Variants in GAREM1 observed in about 807,000 individuals in gnomAD.
GAREM1 encodes GRB2 associated regulator of MAPK1 subtype 1, also known as GRB2-associated and regulator of MAPK protein 1.
A neutral mutation model predicts 71.3 loss-of-function variants in GAREM1; 26 were observed. The observed-to-expected ratio is 0.36, with a 90% confidence interval of 0.27 to 0.51. GAREM1 has a LOEUF of 0.51. Ranked by LOEUF, GAREM1 falls within the 20% of genes least tolerant of loss-of-function variation. The pLI is 0.95. For synonymous variants in GAREM1, 440 were observed against 433.2 expected, an observed-to-expected ratio of 1.02 and a Z score of -0.20; for missense variants, 1,026 against 1,103.1, an observed-to-expected ratio of 0.93 and a Z score of 0.99.
At chr18:32,408,547 A>C (rs535340190) in intron 1 of GAREM1, among the ~76,000 whole-genome samples, 1 of 152,324 alleles carries the variant, frequency 6.6e-6, no homozygotes, top group East Asian at 1.9e-4. Context: ...TGTCAGCATT[A>C]ATACCTGACT....
intron 1 of GAREM1, among the ~76,000 whole-genome samples, chr18:32,398,653 T>C (rs1444429158): frequency 6.6e-6 from 1 of 152,156 alleles, no homozygotes; most frequent in African/African-American, 2.4e-5. Context: ...AATAACAGGC[T>C]CTGAAATTGA....
intron 2 of GAREM1, among the ~76,000 whole-genome samples, chr18:32,364,020 ATATATATGTT>A (rs2047900638): frequency 2.0e-5 from 1 of 49,544 alleles, no homozygotes; most frequent in African/African-American, 1.5e-4. Context: ...ATATATATAT[ATATATATGTT>A]TTTTTTTTTT....
chr18:32,286,871 G>A (rs1327834150), intron 4 of GAREM1, among the ~76,000 whole-genome samples, 160 bp downstream of exon 4: 2 of 152,186 alleles, frequency 1.3e-5, no homozygotes, highest in African/African-American at 4.8e-5. Flanking sequence ...ATTCCTAAAT[G>A]GTCAAAATAA....
intron 2 of GAREM1, among the ~76,000 whole-genome samples, chr18:32,348,651 G>C (rs779910357): frequency 3.3e-5 from 5 of 152,228 alleles, no homozygotes; most frequent in Non-Finnish European, 5.9e-5. Flanking sequence ...TTGAACCTGG[G>C]AGGCAGACGT....
chr18:32,458,183 C>T (rs1399233225), intron 1 of GAREM1, among the ~76,000 whole-genome samples: 1 of 151,978 alleles, frequency 6.6e-6, no homozygotes, highest in Non-Finnish European at 1.5e-5. Context: ...ACAAACGTGT[C>T]CATTTACTTA....
rs913247263 is a variant in GAREM1, at chr18:32,374,265, G to A, written c.262+18630C>T. ...GCAGCTAGCCAGCTTTCTACATTGC[G>A]TTCAGTCATTACATCTCACTCCACT... On this transcript the variant is annotated intron_variant, in intron 2 of 5. Transcript: ENST00000269209. Among the ~76,000 whole-genome samples the A allele has an allele frequency of 3.9e-5, 6 of 152,318 alleles. No homozygotes were observed. In the South Asian group the frequency reaches 8.3e-4, roughly 21 times the overall value.
intron 3 of GAREM1, among the ~76,000 whole-genome samples, chr18:32,288,748 A>C (rs936071246): frequency 6.6e-6 from 1 of 152,136 alleles, no homozygotes. Flanking sequence ...GTCAAATATA[A>C]ATAGAAAAAA....
intron 1 of GAREM1, among the ~76,000 whole-genome samples, chr18:32,463,195 GTAT>G (rs1392212463): frequency 6.6e-6 from 1 of 151,950 alleles, no homozygotes; most frequent in Non-Finnish European, 1.5e-5. Flanking sequence ...CCATAAATAT[GTAT>G]TAATATAATG....
intron 2 of GAREM1, among the ~76,000 whole-genome samples, chr18:32,318,775 C>T (rs563645581): frequency 6.6e-6 from 1 of 152,280 alleles, no homozygotes; most frequent in East Asian, 1.9e-4. Context: ...ACAGCTGAGG[C>T]CCACAGTGTC....
chr18:32,388,300 G>A (rs11665190), intron 2 of GAREM1, among the ~76,000 whole-genome samples: 30,915 of 151,972 alleles, frequency 0.2, 3,883 homozygotes, highest in African/African-American at 0.35. Flanking sequence ...GGAGAATGAC[G>A]GCTAACAAAT....
intron 2 of GAREM1, among the ~76,000 whole-genome samples, chr18:32,354,772 T>C (rs1332462582): frequency 6.6e-6 from 1 of 152,316 alleles, no homozygotes; most frequent in Non-Finnish European, 1.5e-5. Context: ...GTTTCTGTTC[T>C]TTATTGACTG....
intron 3 of GAREM1, among the ~76,000 whole-genome samples, chr18:32,309,945 G>A (rs1598950441): frequency 6.6e-6 from 1 of 152,102 alleles, no homozygotes; most frequent in South Asian, 2.1e-4. Context: ...TCACTTATAT[G>A]CCTCAACAGC....
chr18:32,429,631 T>C (rs909001639), intron 1 of GAREM1, among the ~76,000 whole-genome samples: 1 of 152,226 alleles, frequency 6.6e-6, no homozygotes, highest in African/African-American at 2.4e-5. Flanking sequence ...AAGATATGAA[T>C]TGAGAAAAGC....
At chr18:32,300,732 C>T (rs1421498689) in intron 3 of GAREM1, among the ~76,000 whole-genome samples, 3 of 151,730 alleles carry the variant, frequency 2.0e-5, no homozygotes, top group Non-Finnish European at 4.4e-5. Context: ...CATGGAGAAA[C>T]CCTGTGTCTA....
intron 1 of GAREM1, among the ~76,000 whole-genome samples, chr18:32,417,017 T>C (rs546187425): frequency 6.6e-6 from 1 of 152,152 alleles, no homozygotes; most frequent in South Asian, 2.1e-4. Flanking sequence ...CAAACAACTC[T>C]ATAGGAAAAA....
intron 2 of GAREM1, among the ~76,000 whole-genome samples, chr18:32,324,227 TG>T (rs1216807633): frequency 1.3e-5 from 2 of 152,340 alleles, no homozygotes; most frequent in Admixed American, 1.3e-4. Context: ...CTACGCCTTA[TG>T]GAAGTATTTA....
At chr18:32,464,125 T>C (rs1271243502) in intron 1 of GAREM1, among the ~76,000 whole-genome samples, 1 of 151,804 alleles carries the variant, frequency 6.6e-6, no homozygotes, top group Non-Finnish European at 1.5e-5. Flanking sequence ...ACCCCATCTC[T>C]ACTAAAAATA....
chr18:32,403,014 T>C (rs2048330788), intron 1 of GAREM1, among the ~76,000 whole-genome samples: 1 of 152,070 alleles, frequency 6.6e-6, no homozygotes, highest in Non-Finnish European at 1.5e-5. Flanking sequence ...GCCTCCCAGG[T>C]TCAAGTGATT....
At chr18:32,408,651 T>G (rs553096063) in intron 1 of GAREM1, among the ~76,000 whole-genome samples, 1 of 152,106 alleles carries the variant, frequency 6.6e-6, no homozygotes, top group African/African-American at 2.4e-5. Flanking sequence ...AAATACCCAG[T>G]AACCAACTCT....
Sources: allele counts gnomAD v4.1 joint callset (sites outside exome capture counted in the v4.1 genomes callset), GRCh38; gene constraint gnomAD v4.1.1; transcripts MANE v1.5; gene names NCBI Gene and HGNC (gene_info 2026-07-23, HGNC 2026-07-21).